The following WDR41 variants were observed in gnomAD, a reference collection of about 807,000 sequenced individuals.
The protein encoded by WDR41 is WD repeat domain 41.
Under a neutral mutation model 69.3 loss-of-function variants are expected in WDR41, and 63 were observed. That is an observed-to-expected ratio of 0.91 (90% confidence interval 0.74 to 1.12). The LOEUF is 1.12. Ranked by LOEUF, WDR41 falls within the 50% of genes most tolerant of loss-of-function variation. The pLI is 0.00. For missense variants in WDR41, 543 were observed against 534.5 expected, an observed-to-expected ratio of 1.02 and a Z score of -0.16; for synonymous variants, 185 against 192.1, an observed-to-expected ratio of 0.96 and a Z score of 0.31.
At chr5:77,505,465 T>C (rs1802091185) in intron 1 of WDR41, among the ~76,000 whole-genome samples, 1 of 152,134 alleles carries the variant, frequency 6.6e-6, no homozygotes, top group Non-Finnish European at 1.5e-5. Flanking sequence ...AGGTAATTTA[T>C]AGATTCAGTG....
chr5:77,437,475 A>C (rs1399181902), intron 10 of WDR41, 51 bp from the exon 11 acceptor site: 3 of 1,492,688 alleles, frequency 2.0e-6, no homozygotes, highest in Non-Finnish European at 2.8e-6. Flanking sequence ...ACTGAGGGCC[A>C]ATGCTAAATT....
At position 77,433,212 on chromosome 5, in the gene WDR41, C is replaced by T. The variant is rs142377560; in HGVS notation, c.1303G>A (p.Glu435Lys). The change falls in exon 13 of 13, where the codon GAG (glutamate) becomes AAG (lysine). Residue 435 changes from glutamate to lysine, a missense_variant. Transcript: ENST00000296679. ...DHLIILWKNG[E>K]RESGLRSLRL... is the part of the protein sequence containing the mutation. ...AAACTGCGCAATCCAGATTCTCGCT[C>T]TCCATTTTTCCACAAAATAATGAGA... 1.9e-6 allele frequency: 3 copies of T among 1,614,070 alleles called. No individual in the cohort carries two copies. Among genetic ancestry groups the T allele is most frequent in the African/African-American group, 1.3e-5 (1 of 75,052 alleles).
intron 1 of WDR41, among the ~76,000 whole-genome samples, chr5:77,548,495 G>A (rs912175589): frequency 6.6e-6 from 1 of 150,654 alleles, no homozygotes; most frequent in Non-Finnish European, 1.5e-5. Context: ...CTCAAAAGAA[G>A]ATATACAAAT....
chr5:77,473,985 CGT>C (rs1251121769), intron 2 of WDR41, among the ~76,000 whole-genome samples: 1 of 152,144 alleles, frequency 6.6e-6, no homozygotes, highest in Non-Finnish European at 1.5e-5. Flanking sequence ...CACATGCACA[CGT>C]GTGTTTATTG....
intron 1 of WDR41, among the ~76,000 whole-genome samples, chr5:77,528,731 C>A (rs867955926): frequency 6.6e-6 from 1 of 151,570 alleles, no homozygotes. Context: ...TACTAACACA[C>A]TAAAACCAAT....
chr5:77,503,190 CAAAAAAAAAAA>C (rs144057313), intron 1 of WDR41, among the ~76,000 whole-genome samples: 3 of 74,314 alleles, frequency 4.0e-5, no homozygotes, highest in Non-Finnish European at 7.7e-5. Context: ...AAATGGAAAG[CAAAAAAAAAAA>C]AAAAAAAAAG....
At chr5:77,609,940 A>C (rs572741346) in intron 1 of WDR41, among the ~76,000 whole-genome samples, 5 of 152,222 alleles carry the variant, frequency 3.3e-5, no homozygotes, top group Non-Finnish European at 7.4e-5. Context: ...AACTAGAATA[A>C]CCAATACAGA....
chr5:77,615,184 A>T (rs796799358), intron 1 of WDR41, among the ~76,000 whole-genome samples: 2 of 152,160 alleles, frequency 1.3e-5, no homozygotes, highest in South Asian at 2.1e-4. Context: ...AAAAGAAAAA[A>T]AGTCTTAAGA....
At chr5:77,583,876 C>T (rs1418376725) in intron 1 of WDR41, among the ~76,000 whole-genome samples, 1 of 152,096 alleles carries the variant, frequency 6.6e-6, no homozygotes, top group Non-Finnish European at 1.5e-5. Context: ...TATTACCAAA[C>T]CAAATCCAGC....
At chr5:77,534,337 G>T (rs1742922596) in intron 1 of WDR41, among the ~76,000 whole-genome samples, 1 of 151,832 alleles carries the variant, frequency 6.6e-6, no homozygotes, top group Non-Finnish European at 1.5e-5. Flanking sequence ...TATGTGGGGG[G>T]CGGCGGGGAA....
intron 1 of WDR41, among the ~76,000 whole-genome samples, chr5:77,571,287 C>A (rs900487065): frequency 1.3e-5 from 2 of 151,714 alleles, no homozygotes; most frequent in African/African-American, 2.4e-5. Flanking sequence ...TACATAATAC[C>A]CAAATATTCC....
At chr5:77,474,427 A>G (rs1212525225) in intron 2 of WDR41, among the ~76,000 whole-genome samples, 1 of 149,976 alleles carries the variant, frequency 6.7e-6, no homozygotes, top group African/African-American at 2.5e-5. Flanking sequence ...CCTAAAACTT[A>G]AAGTATAACA....
intron 1 of WDR41, among the ~76,000 whole-genome samples, chr5:77,575,650 T>G (rs1280534840): frequency 6.6e-6 from 1 of 152,220 alleles, no homozygotes; most frequent in Non-Finnish European, 1.5e-5. Context: ...GAGTCCGTGA[T>G]ACTAATTGTG....
At chr5:77,466,464 T>C (rs949379779) in intron 2 of WDR41, among the ~76,000 whole-genome samples, 10 of 151,854 alleles carry the variant, frequency 6.6e-5, no homozygotes, top group African/African-American at 2.4e-4. Flanking sequence ...AACATCAATT[T>C]CTATTGATTC....
chr5:77,453,790 G>A (rs768030080), intron 6 of WDR41, 27 bp downstream of exon 6: 2 of 1,564,300 alleles, frequency 1.3e-6, no homozygotes, highest in Middle Eastern at 3.4e-4. Context: ...GTCAATCATA[G>A]TTCAAAATTA....
chr5:77,442,745 AGGTGGGCGTGGT>A (rs1389626681), intron 8 of WDR41, among the ~76,000 whole-genome samples: 1 of 151,622 alleles, frequency 6.6e-6, no homozygotes, highest in African/African-American at 2.4e-5. Flanking sequence ...ACAAAAAATT[AGGTGGGCGTGGT>A]GGTGGGCGCC....
intron 1 of WDR41, among the ~76,000 whole-genome samples, chr5:77,591,459 T>A (rs1288223506): frequency 6.6e-6 from 1 of 152,168 alleles, no homozygotes; most frequent in East Asian, 1.9e-4. Context: ...AATTCACAGA[T>A]CCTTTACTAA....
chr5:77,560,027 C>T (rs2112256214), intron 1 of WDR41, among the ~76,000 whole-genome samples: 1 of 152,146 alleles, frequency 6.6e-6, no homozygotes, highest in African/African-American at 2.4e-5. Context: ...AGGATCCCTT[C>T]CACAATTAAT....
At chr5:77,584,902 C>T (rs1485913473) in intron 1 of WDR41, among the ~76,000 whole-genome samples, 1 of 152,126 alleles carries the variant, frequency 6.6e-6, no homozygotes, top group Non-Finnish European at 1.5e-5. Context: ...CCCTTCTAGA[C>T]ACTGGCTTAG....
Sources: allele counts gnomAD v4.1 joint callset (sites outside exome capture counted in the v4.1 genomes callset), GRCh38; gene constraint gnomAD v4.1.1; transcripts MANE v1.5; gene names NCBI Gene and HGNC (gene_info 2026-07-23, HGNC 2026-07-21).